The following TMEM143 variants were observed in gnomAD, a reference collection of about 807,000 sequenced individuals.
TMEM143 encodes the protein transmembrane protein 143.
Under a neutral mutation model 40.3 loss-of-function variants are expected in TMEM143, and 45 were observed. The ratio of observed to expected loss-of-function variants is 1.12; its 90% CI spans 0.88 to 1.43. TMEM143 has a LOEUF of 1.43. Among genes scored for constraint, TMEM143 ranks in the 40% most tolerant of loss-of-function variants. The pLI is 0.00. For synonymous variants in TMEM143, 299 were observed against 282.7 expected, an observed-to-expected ratio of 1.06 and a Z score of -0.58; for missense variants, 620 against 613.4, an observed-to-expected ratio of 1.01 and a Z score of -0.11.
intron 3 of TMEM143, among the ~76,000 whole-genome samples, chr19:48,346,903 T>C (rs1969648303): frequency 6.6e-6 from 1 of 152,060 alleles, no homozygotes; most frequent in Admixed American, 6.6e-5. Flanking sequence ...TCAACCAGTA[T>C]CCACATGGCC....
chr19:48,343,047 G>C, intron 5 of TMEM143: 1 of 672,924 alleles, frequency 1.5e-6, no homozygotes. Flanking sequence ...TGGCCGTGCC[G>C]CATCTTCAGA....
intron 3 of TMEM143, 64 bp from the exon 4 acceptor site, chr19:48,345,418 C>G (rs1362259407): frequency 9.0e-7 from 1 of 1,117,116 alleles, no homozygotes; most frequent in Non-Finnish European, 1.2e-6. Context: ...CTAGGGACAT[C>G]TAAGGACATC....
chr19:48,352,918 C>T (rs11083930), intron 3 of TMEM143, among the ~76,000 whole-genome samples: 114,944 of 151,982 alleles, frequency 0.76, 43,574 homozygotes, highest in Admixed American at 0.84. Context: ...TGCCTGGCCA[C>T]GTATACTTTA....
chr19:48,360,054 G>A lies in TMEM143; in HGVS notation c.369+18C>T. The A allele has an allele frequency of 6.2e-7, 1 of 1,611,586 alleles. No individual in the cohort carries two copies. Among genetic ancestry groups the A allele is most frequent in the Non-Finnish European group, 8.5e-7 (1 of 1,178,272 alleles). On this transcript the variant is annotated intron_variant, in intron 3 of 7. Coordinates refer to ENST00000293261, the MANE Select transcript of TMEM143 (RefSeq NM_018273.4). ...TGCTCGAACAAGCACCACAGGGCTG[G>A]AAGGGCCCCGTCCTCACCTGCAGCC...
intron 3 of TMEM143, among the ~76,000 whole-genome samples, chr19:48,352,261 A>AAAAAAAAAAAAC (rs930196732): frequency 1.0e-4 from 15 of 143,858 alleles, no homozygotes; most frequent in African/African-American, 3.9e-4. Context: ...AAAAAAAAAA[A>AAAAAAAAAAAAC]ACACCATATC....
At position 48,333,191 on chromosome 19, in the gene TMEM143, G is replaced by A. The variant is rs753873331; in HGVS notation, c.*28C>T. 5 of 1,409,532 alleles carry A rather than the reference G, an allele frequency of 3.5e-6. No individual in the cohort carries two copies. The highest frequency in any genetic ancestry group is 2.5e-5 in the East Asian group (1 of 39,786). 87.3% of individuals were successfully genotyped at this position (1,409,532 alleles called of 1,614,324 possible). A position where few individuals can be genotyped will look rare whatever the true frequency, so the allele number is the denominator to read the frequency against. ...GGAGGCGGGGCTTAGTTCCTAGCCTGCTGACTGGGCAGGGAGGTAGGTTCT... is the reference window on the plus strand; with the variant it reads ...GGAGGCGGGGCTTAGTTCCTAGCCTACTGACTGGGCAGGGAGGTAGGTTCT... On this transcript the variant is annotated 3_prime_UTR_variant, in exon 8 of 8. Coordinates refer to ENST00000293261, the MANE Select transcript of TMEM143 (RefSeq NM_018273.4). The surrounding 1 kb of genome is among the most constrained non-coding windows in gnomAD (Gnocchi z 4.1).
chr19:48,352,497 G>A (rs1414078911), intron 3 of TMEM143, among the ~76,000 whole-genome samples: 5 of 151,312 alleles, frequency 3.3e-5, no homozygotes, highest in East Asian at 2.0e-4. Context: ...TATGGAGGCC[G>A]GGCACGGTGG....
At chr19:48,362,940 T>C (rs1970083934) in intron 2 of TMEM143, among the ~76,000 whole-genome samples, 1 of 152,228 alleles carries the variant, frequency 6.6e-6, no homozygotes, top group South Asian at 2.1e-4. Flanking sequence ...ATAATAATTA[T>C]GATTACAGCG....
rs562606374 is a variant in TMEM143, at chr19:48,356,406, G to C, written c.369+3666C>G. ...CTCCCAAAGTGCTGGGATTACAGGC[G>C]TGAGTCACCACGCCCGGCCCTCCTT... On this transcript the variant is annotated intron_variant, in intron 3 of 7. Transcript: ENST00000293261. 1.1e-4 allele frequency among the ~76,000 whole-genome samples: 16 copies of C among 148,104 alleles called. No individual in the cohort carries two copies. The South Asian group carries it at 3.4e-3, about 31-fold the overall frequency.
chr19:48,354,735 A>G lies in TMEM143; in HGVS notation c.369+5337T>C, dbSNP rs543304542. Among the ~76,000 whole-genome samples, 82 of 152,304 alleles carry G rather than the reference A, an allele frequency of 5.4e-4. 1 individual carries two copies. The highest frequency in any genetic ancestry group is 9.1e-4 in the Non-Finnish European group (62 of 68,026). ...ACTCAATGAATGAATGAATCAGCGAAAAAAGATCAGAGAGAGGTCACCCGC... is the reference window on the plus strand; with the variant it reads ...ACTCAATGAATGAATGAATCAGCGAGAAAAGATCAGAGAGAGGTCACCCGC... On this transcript the variant is annotated intron_variant, in intron 3 of 7. Transcript: ENST00000293261.
At chr19:48,362,149 T>TATAC (rs1199740816) in intron 2 of TMEM143, among the ~76,000 whole-genome samples, 2 of 152,178 alleles carry the variant, frequency 1.3e-5, no homozygotes, top group African/African-American at 4.8e-5. Context: ...CTTGTATGCA[T>TATAC]ATACTTGTGT....
At position 48,359,896 on chromosome 19, in the gene TMEM143, T is replaced by C. The variant is rs1969998962; in HGVS notation, c.369+176A>G. 8.3e-6 allele frequency: 5 copies of C among 604,476 alleles called. No homozygotes were observed. The Admixed American group carries it at 1.2e-4, about 15-fold the overall frequency. 37.4% of individuals were successfully genotyped at this position (604,476 alleles called of 1,614,324 possible). A position where few individuals can be genotyped will look rare whatever the true frequency, so the allele number is the denominator to read the frequency against. ...TCATATTTTATATTTATTTGATTCC[T>C]TGTCTCCCCACTTGGAATGTTGGCT... On this transcript the variant is annotated intron_variant, in intron 3 of 7. Transcript: ENST00000293261.
At position 48,342,642 on chromosome 19, in the gene TMEM143, G is replaced by A; in HGVS notation, c.863C>T (p.Ser288Phe). ...RALLNLMLVV[S>F]GVAIFVNVGM... ...CACGTTGACGAAGATCGCCACGCCG[G>A]AGACTACCAGCATGAGGTTGAGCAG... The change falls in exon 6 of 8, where the codon TCC becomes TTC. Residue 288 changes from serine to phenylalanine, a missense_variant. Ser to Phe is a radical substitution (Grantham distance 155, BLOSUM62 -2). Coordinates refer to ENST00000293261, the MANE Select transcript of TMEM143 (RefSeq NM_018273.4). The A allele has an allele frequency of 6.2e-7, 1 of 1,614,062 alleles. No homozygotes were observed. The highest frequency in any genetic ancestry group is 8.5e-7 in the Non-Finnish European group (1 of 1,180,016).
chr19:48,357,780 T>C (rs1041704421), intron 3 of TMEM143, among the ~76,000 whole-genome samples: 3 of 152,080 alleles, frequency 2.0e-5, no homozygotes, highest in Non-Finnish European at 4.4e-5. Flanking sequence ...CTTGCAGTAA[T>C]TGGATGGAGT....
At chr19:48,360,298 G>A in intron 2 of TMEM143, 122 bp from the exon 3 acceptor site, 2 of 996,522 alleles carry the variant, frequency 2.0e-6, no homozygotes, top group South Asian at 1.4e-5. Flanking sequence ...TTGTTCTGGG[G>A]CTGGGCGCAG....
chr19:48,363,348 C>A lies in TMEM143; in HGVS notation c.207G>T (p.Gln69His). The A allele has an allele frequency of 6.2e-7, 1 of 1,614,236 alleles. No homozygotes were observed. Among genetic ancestry groups the A allele is most frequent in the Non-Finnish European group, 8.5e-7 (1 of 1,180,042 alleles). The change falls in exon 2 of 8, where the codon CAG (glutamine) becomes CAT (histidine). Residue 69 changes from glutamine to histidine, a missense_variant. Gln to His is a conservative substitution (Grantham distance 24). Coordinates refer to ENST00000293261, the MANE Select transcript of TMEM143 (RefSeq NM_018273.4). ...NPREPRDWAQ[Q>H]YRERFIPFSK... ...AGAAGGGAATGAAGCGCTCGCGGTA[C>A]TGCTGGGCCCAGTCGCGGGGCTCCC...
chr19:48,363,625 C>A, intron 1 of TMEM143, 94 bp from the exon 2 acceptor site: 1 of 1,495,206 alleles, frequency 6.7e-7, no homozygotes, highest in Middle Eastern at 1.8e-4. Context: ...CCGTCTCTAC[C>A]CCAGGCAGGG....
At chr19:48,344,141 C>T (rs1969571310) in intron 4 of TMEM143, among the ~76,000 whole-genome samples, 1 of 152,172 alleles carries the variant, frequency 6.6e-6, no homozygotes, top group Non-Finnish European at 1.5e-5. Flanking sequence ...CCTACCTCAG[C>T]CTCCCAAAGC....
At chr19:48,359,949 G>T in intron 3 of TMEM143, 123 bp downstream of exon 3, 1 of 901,062 alleles carries the variant, frequency 1.1e-6, no homozygotes, top group Non-Finnish European at 1.7e-6. Context: ...CACCTGTCAT[G>T]TTCACTATTG....
Sources: allele counts gnomAD v4.1 joint callset (sites outside exome capture counted in the v4.1 genomes callset), GRCh38; gene constraint gnomAD v4.1.1; non-coding constraint Gnocchi (gnomAD v3.1); transcripts MANE v1.5; gene names NCBI Gene and HGNC (gene_info 2026-07-23, HGNC 2026-07-21).